LRP2: variants seen among roughly 807,000 people sequenced by gnomAD.
LRP2 encodes the protein low-density lipoprotein receptor-related protein 2.
A neutral mutation model predicts 531.0 loss-of-function variants in LRP2; 172 were observed. The ratio of observed to expected loss-of-function variants is 0.32; its 90% CI spans 0.29 to 0.37. The LOEUF (loss-of-function observed/expected upper bound fraction) is 0.37. Among genes scored for constraint, LRP2 ranks in the 10% least tolerant of loss-of-function variants. The pLI, the probability that LRP2 is intolerant of heterozygous loss-of-function variation, is 1.00. For synonymous variants in LRP2, 1,992 were observed against 2,027.6 expected (o/e 0.98, Z 0.47); for missense variants, 5,167 against 5,868.3 (o/e 0.88, Z 3.90).
At chr2:169,200,942 A>C (rs541493778) in intron 44 of LRP2, among the ~76,000 whole-genome samples, 75 of 152,350 alleles carry the variant, frequency 4.9e-4, no homozygotes, top group African/African-American at 1.8e-3. Context: ...ACAAAACATC[A>C]TGTGCCTCAT....
chr2:169,206,286 A>G, intron 39 of LRP2, 44 bp downstream of exon 39: 2 of 1,610,896 alleles, frequency 1.2e-6, no homozygotes, highest in Non-Finnish European at 1.7e-6. Flanking sequence ...TGTTGACCCC[A>G]TTGTGTCTAC....
intron 35 of LRP2, among the ~76,000 whole-genome samples, chr2:169,215,331 A>T: frequency 6.6e-6 from 1 of 152,154 alleles, no homozygotes; most frequent in East Asian, 1.9e-4. Context: ...TCAGCACCCA[A>T]AGCAATGCTT....
chr2:169,362,054 A>G (rs1218062252), intron 1 of LRP2, among the ~76,000 whole-genome samples: 1 of 152,246 alleles, frequency 6.6e-6, no homozygotes, highest in Non-Finnish European at 1.5e-5. Flanking sequence ...GTGGGAACAA[A>G]GACAGGGTCT....
At chr2:169,316,451 T>A (rs1468619233) in intron 3 of LRP2, among the ~76,000 whole-genome samples, 1 of 152,240 alleles carries the variant, frequency 6.6e-6, no homozygotes, top group African/African-American at 2.4e-5. Context: ...AGAGCCTCCA[T>A]CTGCCTATTT....
intron 3 of LRP2, among the ~76,000 whole-genome samples, chr2:169,313,972 G>A (rs113313963): frequency 2.0e-5 from 3 of 152,174 alleles, no homozygotes; most frequent in African/African-American, 4.8e-5. Context: ...TCAGGGATCC[G>A]AGGCTCCCAG....
intron 30 of LRP2, among the ~76,000 whole-genome samples, chr2:169,232,782 A>C (rs762193941): frequency 1.6e-4 from 25 of 152,292 alleles, no homozygotes; most frequent in Admixed American, 1.6e-3. Flanking sequence ...TTTGGACCAT[A>C]ATGAAATCCA....
chr2:169,328,239 G>A (rs1437825524), intron 1 of LRP2, among the ~76,000 whole-genome samples: 27 of 120,146 alleles, frequency 2.2e-4, no homozygotes, highest in Non-Finnish European at 3.3e-4. Context: ...GAGGGAGGTG[G>A]GGGGGTCAGC....
Position 169,256,016 on chromosome 2 carries a change from G to A in LRP2, c.2770+90C>T, listed in dbSNP as rs913231911. 5 of 1,396,594 alleles carry A rather than the reference G, an allele frequency of 3.6e-6. No homozygotes were observed. In the African/African-American group the frequency reaches 7.1e-5, roughly 20 times the overall value. The allele number at this position is 1,396,594 out of a possible 1,614,324, so 86.5% of individuals were successfully genotyped here. On this transcript the variant is annotated intron_variant, in intron 19 of 78. Transcript: ENST00000649046. Reference sequence around the variant, plus strand: ...CATTTTAAAGTGGCCAGCTTTTCTGGGATTGTGAAAATGCCACATGAGGAT... The same window carrying A: ...CATTTTAAAGTGGCCAGCTTTTCTGAGATTGTGAAAATGCCACATGAGGAT...
At chr2:169,169,409 G>C (rs1381550974) in intron 60 of LRP2, among the ~76,000 whole-genome samples, 1 of 152,160 alleles carries the variant, frequency 6.6e-6, no homozygotes, top group Non-Finnish European at 1.5e-5. Flanking sequence ...TACCTGAAAT[G>C]TTTTTTATCT....
intron 1 of LRP2, among the ~76,000 whole-genome samples, chr2:169,360,364 G>C (rs1686117023): frequency 6.6e-6 from 1 of 152,062 alleles, no homozygotes; most frequent in Non-Finnish European, 1.5e-5. Context: ...TAAGTATAAA[G>C]TGCTTAGAAC....
At position 169,255,778 on chromosome 2, in the gene LRP2, C is replaced by G. The variant is rs901669035; in HGVS notation, c.2770+328G>C. Among the ~76,000 whole-genome samples, 12 of 152,152 alleles carry G rather than the reference C, an allele frequency of 7.9e-5. No homozygotes were observed. In the East Asian group the frequency reaches 2.3e-3, roughly 29 times the overall value. On this transcript the variant is annotated intron_variant, in intron 19 of 78. Coordinates refer to ENST00000649046, the MANE Select transcript of LRP2 (RefSeq NM_004525.3). ...GCTGTTTTATTCTTGAAAATGAAGG[C>G]AGTAATTTACTGTTTCCTCACGTGA...
At position 169,231,967 on chromosome 2, in the gene LRP2, T is replaced by C. The variant is rs2302693; in HGVS notation, c.5099-125A>G. The stretch of plus-strand genomic sequence containing the variant: ...AGGGGGGCTTAAGTACGTTGTTACC[T>C]CTGTTGTTTTCTTTTGTTTTGTTTT... On this transcript the variant is annotated intron_variant, in intron 30 of 78. Coordinates refer to ENST00000649046, the MANE Select transcript of LRP2 (RefSeq NM_004525.3). 581,941 of 1,117,788 alleles carry C rather than the reference T, an allele frequency of 0.52. 158,488 individuals carry two copies. Among genetic ancestry groups the C allele is most frequent in the South Asian group, 0.77 (57,330 of 74,526 alleles). The allele number at this position is 1,117,788 out of a possible 1,614,324, so 69.2% of individuals were successfully genotyped here. A position where few individuals can be genotyped will look rare whatever the true frequency, so the allele number is the denominator to read the frequency against.
At position 169,244,679 on chromosome 2, in the gene LRP2, A is replaced by AG; in HGVS notation, c.3430+13dup. On this transcript the variant is annotated intron_variant, in intron 22 of 78. Coordinates refer to ENST00000649046, the MANE Select transcript of LRP2 (RefSeq NM_004525.3). ...CGAGGCTGACCAACCAAGGGAAACC[A>AG]GCTCAAAACTTACTGCAGTTCTTTT... 6.2e-7 allele frequency: 1 copy of AG among 1,614,250 alleles called. No homozygotes were observed. The highest frequency in any genetic ancestry group is 1.1e-5 in the South Asian group (1 of 91,080).
chr2:169,182,114 A>G, intron 51 of LRP2, 53 bp downstream of exon 51: 1 of 1,607,630 alleles, frequency 6.2e-7, no homozygotes. Flanking sequence ...TCTCGGTAAC[A>G]GAGGCAGAAG....
intron 14 of LRP2, among the ~76,000 whole-genome samples, chr2:169,274,735 G>A (rs529246919): frequency 1.6e-4 from 24 of 152,194 alleles, no homozygotes; most frequent in African/African-American, 5.8e-4. Context: ...TAGGTATTTT[G>A]GTTTGGTTTG....
Position 169,175,280 on chromosome 2 carries a change from T to G in LRP2, c.10681A>C (p.Ser3561Arg). The change falls in exon 55 of 79, where the codon AGT becomes CGT. Residue 3561 changes from serine (S) to arginine (R), a missense_variant. Coordinates refer to ENST00000649046, the MANE Select transcript of LRP2 (RefSeq NM_004525.3). ...RFCRLGQFQC[S>R]DGNCTSPQTL... ...TGCGGGCTGGTGCAGTTGCCGTCACTGCACTGGAACTGTCCCAGTCGGCAG... is the reference window on the plus strand; with the variant it reads ...TGCGGGCTGGTGCAGTTGCCGTCACGGCACTGGAACTGTCCCAGTCGGCAG... The G allele has an allele frequency of 6.2e-7, 1 of 1,614,240 alleles. No homozygotes were observed. The highest frequency in any genetic ancestry group is 2.2e-5 in the East Asian group (1 of 44,886).
At chr2:169,327,896 C>G (rs1442842289) in intron 1 of LRP2, among the ~76,000 whole-genome samples, 1 of 83,518 alleles carries the variant, frequency 1.2e-5, no homozygotes, top group African/African-American at 5.4e-5. Flanking sequence ...GGGGGTCAGC[C>G]CCCCGCCCGG....
Position 169,270,899 on chromosome 2 carries a change from C to T in LRP2, c.2320+5G>A. ...CACACACACACACACACAAACCTTT[C>T]TCACCTGTGCCATCAATCTTTTGCT... On this transcript the variant is annotated splice_donor_5th_base_variant and intron_variant, in intron 16 of 78. Coordinates refer to ENST00000649046, the MANE Select transcript of LRP2 (RefSeq NM_004525.3). The T allele has an allele frequency of 6.2e-7, 1 of 1,611,918 alleles. No individual in the cohort carries two copies. Among genetic ancestry groups the T allele is most frequent in the Non-Finnish European group, 8.5e-7 (1 of 1,178,952 alleles).
At chr2:169,220,658 AG>A in intron 33 of LRP2, 95 bp from the exon 34 acceptor site, 1 of 772,834 alleles carries the variant, frequency 1.3e-6, no homozygotes, top group Non-Finnish European at 2.3e-6. Flanking sequence ...CAAATTCCAA[AG>A]CACGATTAGG....
Sources: allele counts gnomAD v4.1 joint callset (sites outside exome capture counted in the v4.1 genomes callset), GRCh38; gene constraint gnomAD v4.1.1; transcripts MANE v1.5; gene names NCBI Gene and HGNC (gene_info 2026-07-23, HGNC 2026-07-21).